FHIP2A: variants seen among roughly 807,000 people sequenced by gnomAD.
FHIP2A encodes family with sequence similarity 160 member B1.
Under a neutral mutation model 93.5 loss-of-function variants are expected in FHIP2A, and 46 were observed. The observed-to-expected ratio is 0.49, with a 90% CI of 0.39 to 0.63. FHIP2A has a LOEUF of 0.63. Ranked by LOEUF, FHIP2A falls within the 20% of genes least tolerant of loss-of-function variation. The pLI is 0.00. For synonymous variants in FHIP2A, 332 were observed against 326.5 expected (o/e 1.02, Z -0.18); for missense variants, 769 against 909.7 (o/e 0.85, Z 1.99).
intron 16 of FHIP2A, among the ~76,000 whole-genome samples, chr10:114,887,648 C>T (rs2083949917): frequency 6.6e-6 from 1 of 152,188 alleles, no homozygotes; most frequent in Non-Finnish European, 1.5e-5. Context: ...TTCCTCTCTC[C>T]ATAGATTAGG....
At chr10:114,887,553 A>C (rs1006042861) in intron 16 of FHIP2A, among the ~76,000 whole-genome samples, 6 of 152,268 alleles carry the variant, frequency 3.9e-5, no homozygotes, top group African/African-American at 1.4e-4. Flanking sequence ...ACCTGACCCT[A>C]GGCAGTGTGG....
At chr10:114,860,226 AT>A (rs1398873238) in intron 14 of FHIP2A, among the ~76,000 whole-genome samples, 1 of 152,162 alleles carries the variant, frequency 6.6e-6, no homozygotes, top group African/African-American at 2.4e-5. Context: ...ATGTTTATAT[AT>A]TTTTTAAATC....
intron 3 of FHIP2A, among the ~76,000 whole-genome samples, chr10:114,834,387 A>G (rs774198671): frequency 1.9e-4 from 29 of 152,224 alleles, no homozygotes; most frequent in South Asian, 6.2e-4. Context: ...AGCAGAAGTT[A>G]GTAATTGTAC....
intron 16 of FHIP2A, among the ~76,000 whole-genome samples, chr10:114,881,717 G>T (rs1435261849): frequency 1.0e-5 from 1 of 95,950 alleles, no homozygotes; most frequent in African/African-American, 4.1e-5. Flanking sequence ...CAGAGCCTCA[G>T]CAGGGAGATC....
intron 13 of FHIP2A, 56 bp from the exon 14 acceptor site, chr10:114,855,141 A>G (rs1370082515): frequency 6.4e-7 from 1 of 1,555,476 alleles, no homozygotes; most frequent in African/African-American, 1.4e-5. Flanking sequence ...AATCATTTCT[A>G]TTTCATCTTA....
intron 16 of FHIP2A, among the ~76,000 whole-genome samples, chr10:114,884,729 A>ATTT (rs753441363): frequency 7.9e-5 from 12 of 151,928 alleles, no homozygotes; most frequent in Non-Finnish European, 1.8e-4. Context: ...CCTGACCAAC[A>ATTT]TGGTAAAACC....
chr10:114,850,536 A>AT (rs1364211734), intron 13 of FHIP2A, among the ~76,000 whole-genome samples: 1 of 123,876 alleles, frequency 8.1e-6, no homozygotes, highest in Non-Finnish European at 1.9e-5. Context: ...TTTTTACAAA[A>AT]ATTTTTTAAA....
intron 16 of FHIP2A, among the ~76,000 whole-genome samples, chr10:114,892,160 T>C (rs945802604): frequency 2.6e-5 from 4 of 152,158 alleles, no homozygotes; most frequent in African/African-American, 9.7e-5. Flanking sequence ...AAGTATTTCA[T>C]AGGGTGAAGA....
intron 16 of FHIP2A, among the ~76,000 whole-genome samples, chr10:114,871,948 T>A (rs1007508549): frequency 6.6e-6 from 1 of 152,318 alleles, no homozygotes; most frequent in African/African-American, 2.4e-5. Context: ...AAGAAAACTG[T>A]TAGAGCCACT....
chr10:114,884,193 A>G (rs1156574645), intron 16 of FHIP2A, among the ~76,000 whole-genome samples: 3 of 152,210 alleles, frequency 2.0e-5, no homozygotes, highest in Non-Finnish European at 4.4e-5. Context: ...AATGAGGAGA[A>G]TGAGGGAGAT....
At chr10:114,893,366 C>G (rs768573390) in intron 16 of FHIP2A, among the ~76,000 whole-genome samples, 1 of 152,228 alleles carries the variant, frequency 6.6e-6, no homozygotes, top group Non-Finnish European at 1.5e-5. Flanking sequence ...ATGCAACTTG[C>G]TTCAGTGAAC....
downstream of FHIP2A, among the ~76,000 whole-genome samples, chr10:114,868,440 CTG>C (rs1056146835): frequency 2.0e-5 from 3 of 152,116 alleles, no homozygotes; most frequent in African/African-American, 7.2e-5. Context: ...ATCCCCAAGT[CTG>C]TGCAAAAATT....
chr10:114,835,797 A>G (rs1027153557), intron 4 of FHIP2A, among the ~76,000 whole-genome samples, 156 bp downstream of exon 4: 1 of 152,206 alleles, frequency 6.6e-6, no homozygotes, highest in African/African-American at 2.4e-5. Flanking sequence ...ATCACATAGC[A>G]TTAAGTGTAT....
intron 16 of FHIP2A, among the ~76,000 whole-genome samples, chr10:114,899,036 T>C (rs1173017305): frequency 6.6e-6 from 1 of 152,192 alleles, no homozygotes; most frequent in Non-Finnish European, 1.5e-5. Flanking sequence ...TGAAGAGGAA[T>C]AGTCTAGCCT....
rs184520446 is a variant in FHIP2A at position 114,888,759 on chromosome 10, T to C, written c.2193-10731T>C. Among the ~76,000 whole-genome samples the C allele has an allele frequency of 8.3e-4, 127 of 152,226 alleles. 2 individuals carry two copies. Among genetic ancestry groups the C allele is most frequent in the African/African-American group, 3.0e-3 (124 of 41,538 alleles). ...CTGGGATTACAATCACCCGCCACCATGCCCGGCTAATTTTTGTATTTTTAG... is the reference window on the plus strand; with the variant it reads ...CTGGGATTACAATCACCCGCCACCACGCCCGGCTAATTTTTGTATTTTTAG... On this transcript the variant is annotated intron_variant, in intron 16 of 16. Transcript: ENST00000369250.
chr10:114,854,882 C>G (rs2083757859), intron 13 of FHIP2A, among the ~76,000 whole-genome samples: 1 of 152,074 alleles, frequency 6.6e-6, no homozygotes, highest in African/African-American at 2.4e-5. Context: ...TTTTAAATGT[C>G]CTCTAAATCG....
chr10:114,853,086 T>C (rs1033578654), intron 13 of FHIP2A, among the ~76,000 whole-genome samples: 2 of 152,214 alleles, frequency 1.3e-5, no homozygotes, highest in African/African-American at 4.8e-5. Flanking sequence ...TGTGGTCCTT[T>C]GTGTTTTCTT....
Position 114,833,418 on chromosome 10 carries a change from A to G in FHIP2A, c.294+16A>G, listed in dbSNP as rs748387961. ...GAAAGCTGATGTAAGTTCCTGATCC[A>G]CACCATGTTCTTGGGCATTAGTACA... On this transcript the variant is annotated intron_variant, in intron 3 of 16. Coordinates refer to ENST00000369248, the MANE Select transcript of FHIP2A (RefSeq NM_020940.4). 1 of 1,610,642 alleles carries G rather than the reference A, an allele frequency of 6.2e-7. No homozygotes were observed. Among genetic ancestry groups the G allele is most frequent in the Non-Finnish European group, 8.5e-7 (1 of 1,177,298 alleles).
chr10:114,841,875 A>G (rs1280424217), intron 5 of FHIP2A, among the ~76,000 whole-genome samples: 1 of 152,120 alleles, frequency 6.6e-6, no homozygotes, highest in African/African-American at 2.4e-5. Context: ...TTCTGCTCTT[A>G]TGTTCAAATG....
Sources: allele counts gnomAD v4.1 joint callset (sites outside exome capture counted in the v4.1 genomes callset), GRCh38; gene constraint gnomAD v4.1.1; transcripts MANE v1.5; gene names NCBI Gene and HGNC (gene_info 2026-07-23, HGNC 2026-07-21).